Variants in GALNT13 observed in about 807,000 individuals in gnomAD.
The protein encoded by GALNT13 is polypeptide N-acetylgalactosaminyltransferase 13.
A neutral mutation model predicts 64.2 loss-of-function variants in GALNT13; 28 were observed. The observed-to-expected ratio is 0.44, with a 90% CI of 0.32 to 0.60. The LOEUF (loss-of-function observed/expected upper bound fraction) is 0.60, where lower values mean the gene tolerates loss of function less well. GALNT13 is among the 20% of genes least tolerant of loss of function. The pLI is 0.05. For synonymous variants in GALNT13, 214 were observed against 224.6 expected, an observed-to-expected ratio of 0.95 and a Z score of 0.42; for missense variants, 577 against 669.8, an observed-to-expected ratio of 0.86 and a Z score of 1.53.
At chr2:153,236,682 A>G in the GALNT13 span, among the ~76,000 whole-genome samples, 4 of 152,112 alleles carry the variant, frequency 2.6e-5, no homozygotes, top group Non-Finnish European at 5.9e-5. Context: ...TTCCTTTAAG[A>G]ATATTATTGA....
At chr2:153,276,240 A>C in the GALNT13 span, among the ~76,000 whole-genome samples, 1 of 151,972 alleles carries the variant, frequency 6.6e-6, no homozygotes, top group Non-Finnish European at 1.5e-5. Context: ...TTGCGTTTAT[A>C]CTTTGTTTTG....
chr2:153,635,454 G>GTATATATATATATACACATA, the GALNT13 span, among the ~76,000 whole-genome samples: 11 of 145,516 alleles, frequency 7.6e-5, no homozygotes, highest in South Asian at 2.1e-4. Context: ...ACATATATAT[G>GTATATATATATATACACATA]TATATGTGTA....
the GALNT13 span, among the ~76,000 whole-genome samples, chr2:153,139,983 C>T: frequency 6.6e-6 from 1 of 151,916 alleles, no homozygotes; most frequent in Non-Finnish European, 1.5e-5. Flanking sequence ...TATTTATTTT[C>T]CTCCACTTAC....
the GALNT13 span, among the ~76,000 whole-genome samples, chr2:153,144,164 A>G: frequency 6.6e-6 from 1 of 152,114 alleles, no homozygotes; most frequent in East Asian, 1.9e-4. Flanking sequence ...CATTGGAAAA[A>G]TCCTTGGATC....
chr2:154,214,586 G>A lies in GALNT13; in HGVS notation c.312-27444G>A, dbSNP rs537772203. 7.9e-5 allele frequency among the ~76,000 whole-genome samples: 12 copies of A among 152,150 alleles called. No homozygotes were observed. In the South Asian group the frequency reaches 8.3e-4, roughly 11 times the overall value. On this transcript the variant is annotated intron_variant, in intron 4 of 12. Coordinates refer to ENST00000392825, the MANE Select transcript of GALNT13 (RefSeq NM_052917.4). ...TCATGGAGGTGGTTTTTCCCCTGAT[G>A]TTCTCATGATAGTGAGTGAGTTCTC...
At chr2:153,430,504 G>A in the GALNT13 span, among the ~76,000 whole-genome samples, 4 of 146,292 alleles carry the variant, frequency 2.7e-5, no homozygotes, top group African/African-American at 1.0e-4. Flanking sequence ...GCAAATGATA[G>A]GTATTAATAG....
the GALNT13 span, among the ~76,000 whole-genome samples, chr2:153,790,078 T>C: frequency 1.3e-5 from 2 of 152,172 alleles, no homozygotes; most frequent in Non-Finnish European, 2.9e-5. Flanking sequence ...TCCCAACTCA[T>C]TCTGTGAGGC....
rs930214230 is a variant in GALNT13 at position 153,919,740 on chromosome 2, A to G, written c.-105+18733A>G. ...TTTTGCTCATCCTAATATTGATTACAATAATAGCAATGGCTAACATGTACT... is the reference window on the plus strand; with the variant it reads ...TTTTGCTCATCCTAATATTGATTACGATAATAGCAATGGCTAACATGTACT... On this transcript the variant is annotated intron_variant, in intron 2 of 12. Transcript: ENST00000392825. Among the ~76,000 whole-genome samples the G allele has an allele frequency of 1.1e-4, 17 of 151,954 alleles. 1 individual carries two copies. Among genetic ancestry groups the G allele is most frequent in the African/African-American group, 4.1e-4 (17 of 41,534 alleles).
chr2:153,521,744 C>G, the GALNT13 span, among the ~76,000 whole-genome samples: 1 of 152,092 alleles, frequency 6.6e-6, no homozygotes, highest in Non-Finnish European at 1.5e-5. Context: ...TTTTTGGTCT[C>G]CATAGTTTTA....
chr2:154,356,935 G>C (rs1222108747), intron 9 of GALNT13, among the ~76,000 whole-genome samples: 1 of 151,724 alleles, frequency 6.6e-6, no homozygotes. Flanking sequence ...AAAAGCTTTT[G>C]GTTGTCTTAT....
chr2:154,149,836 A>G (rs185664673), intron 4 of GALNT13, among the ~76,000 whole-genome samples: 3 of 152,292 alleles, frequency 2.0e-5, no homozygotes, highest in East Asian at 1.9e-4. Context: ...GGCTGAAACA[A>G]TAGAGTTTTC....
intron 3 of GALNT13, among the ~76,000 whole-genome samples, chr2:154,107,624 C>G (rs1385805952): frequency 6.6e-6 from 1 of 151,148 alleles, no homozygotes; most frequent in Admixed American, 6.6e-5. Context: ...GAAATATACT[C>G]TCTTATGAAT....
intron 9 of GALNT13, among the ~76,000 whole-genome samples, chr2:154,340,381 T>G (rs72999337): frequency 6.6e-6 from 1 of 152,116 alleles, no homozygotes; most frequent in Non-Finnish European, 1.5e-5. Flanking sequence ...CATGCCACTG[T>G]GCCTGGCCCT....
At chr2:153,335,305 A>G in the GALNT13 span, among the ~76,000 whole-genome samples, 1 of 152,212 alleles carries the variant, frequency 6.6e-6, no homozygotes, top group Non-Finnish European at 1.5e-5. Context: ...TAACAGGCAG[A>G]GATTGGAACA....
chr2:153,787,376 T>C, the GALNT13 span, among the ~76,000 whole-genome samples: 7 of 152,026 alleles, frequency 4.6e-5, no homozygotes, highest in Non-Finnish European at 7.4e-5. Context: ...CAAATATAAG[T>C]CAGCTGCAAA....
chr2:153,825,139 G>A, the GALNT13 span, among the ~76,000 whole-genome samples: 5 of 152,160 alleles, frequency 3.3e-5, no homozygotes, highest in Admixed American at 2.6e-4. Context: ...GGCAATATTT[G>A]AAGATGTTTT....
Position 154,358,170 on chromosome 2 carries a change from C to G in GALNT13, c.1157-37821C>G, listed in dbSNP as rs549494896. ...ACACATATATACATTGAAACAAAGC[C>G]ACTTTTCCAAACAGCAAGTTCTCTT... On this transcript the variant is annotated intron_variant, in intron 9 of 12. Coordinates refer to ENST00000392825, the MANE Select transcript of GALNT13 (RefSeq NM_052917.4). Among the ~76,000 whole-genome samples, 33 of 152,186 alleles carry G rather than the reference C, an allele frequency of 2.2e-4. No individual in the cohort carries two copies. The South Asian group carries it at 4.4e-3, about 20-fold the overall frequency.
rs189321507 is a variant in GALNT13 at position 154,164,900 on chromosome 2, G to A, written c.311+24395G>A. ...CTTAAGTTTAAGGAGGACAGCAGTT[G>A]GGTCTTGTTTTTCTTTCCCCCTTTA... is the stretch of plus-strand genomic sequence containing the variant. On this transcript the variant is annotated intron_variant, in intron 4 of 12. Coordinates refer to ENST00000392825, the MANE Select transcript of GALNT13 (RefSeq NM_052917.4). 1.2e-3 allele frequency among the ~76,000 whole-genome samples: 175 copies of A among 152,118 alleles called. No individual in the cohort carries two copies. In the East Asian group the frequency reaches 0.031, roughly 27 times the overall value.
chr2:153,818,416 C>T, the GALNT13 span, among the ~76,000 whole-genome samples: 1 of 152,144 alleles, frequency 6.6e-6, no homozygotes, highest in East Asian at 1.9e-4. Flanking sequence ...AGGCAAGGCT[C>T]CCTGTGCAGC....
Sources: gnomAD v4.1 joint callset for allele counts (sites outside exome capture counted in the v4.1 genomes callset) on GRCh38, gnomAD v4.1.1 for gene constraint, MANE v1.5 for transcripts, NCBI Gene and HGNC (gene_info 2026-07-23, HGNC 2026-07-21) for gene names.